Variants in GRIK4 observed in about 807,000 individuals in gnomAD.
GRIK4 encodes glutamate receptor ionotropic, kainate 4.
In GRIK4, 40 loss-of-function variants were observed where a neutral mutation model predicts 104.9. The ratio of observed to expected loss-of-function variants is 0.38; its 90% CI spans 0.30 to 0.50. The LOEUF (loss-of-function observed/expected upper bound fraction) is 0.50, where lower values mean the gene tolerates loss of function less well. Ranked by LOEUF, GRIK4 falls within the 20% of genes least tolerant of loss-of-function variation. The pLI is 0.93. For synonymous variants in GRIK4, 485 were observed against 524.9 expected (o/e 0.92, Z 1.04); for missense variants, 1,047 against 1,308.1 (o/e 0.80, Z 3.08).
intron 11 of GRIK4, among the ~76,000 whole-genome samples, chr11:120,897,625 A>AAAAAAAAAAAAAAAAAAAAAAAAAAAAC (rs1942620597): frequency 6.9e-6 from 1 of 144,064 alleles, no homozygotes; most frequent in Admixed American, 6.9e-5. Flanking sequence ...AAAAAAAAAA[A>AAAAAAAAAAAAAAAAAAAAAAAAAAAAC]AAGAGTACAT....
intron 1 of GRIK4, among the ~76,000 whole-genome samples, chr11:120,531,311 A>G (rs2257198): frequency 0.77 from 116,461 of 152,222 alleles, 45,819 homozygotes; most frequent in Admixed American, 0.86. Flanking sequence ...TTGTTTATGG[A>G]AGGAGAAATG....
At chr11:120,769,059 A>G (rs1951891791) in intron 3 of GRIK4, among the ~76,000 whole-genome samples, 1 of 152,142 alleles carries the variant, frequency 6.6e-6, no homozygotes, top group African/African-American at 2.4e-5. Flanking sequence ...TGTAAAATGT[A>G]TTTGGACGTA....
intron 8 of GRIK4, among the ~76,000 whole-genome samples, chr11:120,840,500 G>C (rs753749849): frequency 6.6e-6 from 1 of 152,136 alleles, no homozygotes; most frequent in Non-Finnish European, 1.5e-5. Context: ...GGGGCAGAGG[G>C]TCAGCTTATG....
chr11:120,537,056 T>G (rs556730895), intron 1 of GRIK4, among the ~76,000 whole-genome samples: 2 of 152,112 alleles, frequency 1.3e-5, no homozygotes, highest in African/African-American at 4.8e-5. Flanking sequence ...CCACAGTTCT[T>G]TCGGAAGAGA....
At chr11:120,630,444 C>T (rs1016438927) in intron 1 of GRIK4, among the ~76,000 whole-genome samples, 2 of 152,258 alleles carry the variant, frequency 1.3e-5, no homozygotes, top group Non-Finnish European at 1.5e-5. Context: ...GGAGGCAGCC[C>T]AGGCTCTGCA....
In GRIK4 at chr11:120,979,213, C is replaced by A. The variant is rs570018955; in HGVS notation, c.2396-2893C>A. Among the ~76,000 whole-genome samples the A allele has an allele frequency of 5.3e-5, 8 of 152,234 alleles. No individual in the cohort carries two copies. The South Asian group carries it at 1.5e-3, about 28-fold the overall frequency. On this transcript the variant is annotated intron_variant, in intron 19 of 20. Coordinates refer to ENST00000527524, the MANE Select transcript of GRIK4 (RefSeq NM_014619.5). The stretch of plus-strand genomic sequence containing the variant: ...TGAAGACATGTTTAATTAAATATCT[C>A]CAAAATGTAACATTGTTTCAACTTC...
At chr11:120,804,480 T>C (rs1952677691) in intron 4 of GRIK4, among the ~76,000 whole-genome samples, 1 of 152,202 alleles carries the variant, frequency 6.6e-6, no homozygotes, top group Non-Finnish European at 1.5e-5. Flanking sequence ...CTTGCTCCTG[T>C]GGTGTTGGAT....
chr11:120,916,891 G>A (rs1476256065), intron 13 of GRIK4, among the ~76,000 whole-genome samples: 3 of 152,230 alleles, frequency 2.0e-5, no homozygotes, highest in Admixed American at 6.5e-5. Context: ...GATAAGGGGC[G>A]CTTGCATTCC....
intron 4 of GRIK4, among the ~76,000 whole-genome samples, chr11:120,812,436 C>T (rs1220989778): frequency 6.6e-6 from 1 of 152,144 alleles, no homozygotes; most frequent in Non-Finnish European, 1.5e-5. Context: ...GAATTTTCCT[C>T]ATAGAAGTGT....
intron 3 of GRIK4, among the ~76,000 whole-genome samples, chr11:120,685,988 T>C (rs7122193): frequency 0.46 from 69,557 of 151,912 alleles, 16,160 homozygotes; most frequent in African/African-American, 0.5. Context: ...TTGATCTACT[T>C]AGGCTGTAGA....
Position 120,953,558 on chromosome 11 carries a change from G to A in GRIK4, c.1700+594G>A, listed in dbSNP as rs1417742270. Among the ~76,000 whole-genome samples, 1 of 152,162 alleles carries A rather than the reference G, an allele frequency of 6.6e-6. No individual in the cohort carries two copies. The highest frequency in any genetic ancestry group is 2.4e-5 in the African/African-American group (1 of 41,430). On this transcript the variant is annotated intron_variant, in intron 15 of 20. Coordinates refer to ENST00000527524, the MANE Select transcript of GRIK4 (RefSeq NM_014619.5). The surrounding 1 kb of genome is among the most constrained non-coding windows in gnomAD (Gnocchi z 4.9). ...CTGGCGGGTGGCAAGGAGACGGGAT[G>A]GAGAGAGGCGTTTTCAAGAAGTGCT... is the stretch of plus-strand genomic sequence containing the variant.
intron 3 of GRIK4, among the ~76,000 whole-genome samples, chr11:120,728,730 C>T (rs1951075991): frequency 6.6e-6 from 1 of 152,122 alleles, no homozygotes; most frequent in South Asian, 2.1e-4. Context: ...TATTCATCCC[C>T]TCAAGCATTT....
chr11:120,942,965 G>A (rs763708106), intron 14 of GRIK4, among the ~76,000 whole-genome samples: 1 of 152,142 alleles, frequency 6.6e-6, no homozygotes, highest in Admixed American at 6.5e-5. Flanking sequence ...AAGGAATTCT[G>A]CCTTAAGTCT....
intron 1 of GRIK4, among the ~76,000 whole-genome samples, chr11:120,525,776 C>T (rs7129707): frequency 0.41 from 62,772 of 151,890 alleles, 15,840 homozygotes; most frequent in African/African-American, 0.71. Context: ...GCTGGTTTGA[C>T]GTGTGGGAAG....
chr11:120,731,026 C>T (rs1951118346), intron 3 of GRIK4, among the ~76,000 whole-genome samples: 2 of 152,000 alleles, frequency 1.3e-5, no homozygotes, highest in Admixed American at 6.6e-5. Flanking sequence ...AATTTGATTC[C>T]TTTCTTTTTC....
intron 3 of GRIK4, among the ~76,000 whole-genome samples, chr11:120,711,257 A>C (rs906883206): frequency 3.3e-5 from 5 of 152,226 alleles, no homozygotes; most frequent in Non-Finnish European, 5.9e-5. Flanking sequence ...GGGTGAGAGT[A>C]GAATGAGCAT....
At chr11:120,827,451 A>G (rs1953297567) in intron 6 of GRIK4, among the ~76,000 whole-genome samples, 1 of 152,140 alleles carries the variant, frequency 6.6e-6, no homozygotes, top group Non-Finnish European at 1.5e-5. Context: ...GCAGGCAGGC[A>G]GGCCTGCTGC....
chr11:120,606,244 C>T (rs933208501), intron 1 of GRIK4, among the ~76,000 whole-genome samples: 1 of 152,118 alleles, frequency 6.6e-6, no homozygotes. Context: ...TGTCCTCGTA[C>T]AGTGTTGTAT....
intron 9 of GRIK4, among the ~76,000 whole-genome samples, chr11:120,865,874 G>T (rs1395501407): frequency 6.6e-6 from 1 of 152,138 alleles, no homozygotes; most frequent in African/African-American, 2.4e-5. Flanking sequence ...CATGGTGCCG[G>T]TATCTGTTTC....
Sources: gnomAD v4.1 joint callset for allele counts (sites outside exome capture counted in the v4.1 genomes callset) on GRCh38, gnomAD v4.1.1 for gene constraint, Gnocchi (gnomAD v3.1) non-coding constraint, MANE v1.5 for transcripts, NCBI Gene and HGNC (gene_info 2026-07-23, HGNC 2026-07-21) for gene names.